RPSA2: variants seen among roughly 807,000 people sequenced by gnomAD.
The protein encoded by RPSA2 is small ribosomal subunit protein uS2B.
chr19:23,826,178 ATTTTTTCT>A, the RPSA2 span, among the ~76,000 whole-genome samples: 1 of 151,228 alleles, frequency 6.6e-6, no homozygotes, highest in African/African-American at 2.4e-5. Context: ...CTAATTTTTA[ATTTTTTCT>A]TTTTTTCTTT....
the RPSA2 span, among the ~76,000 whole-genome samples, chr19:23,858,453 T>C: frequency 5.3e-5 from 8 of 152,208 alleles, no homozygotes; most frequent in Non-Finnish European, 1.0e-4. Context: ...TATTCATACA[T>C]ACAAATATGT....
At chr19:23,769,791 T>G in the RPSA2 span, among the ~76,000 whole-genome samples, 3 of 152,256 alleles carry the variant, frequency 2.0e-5, no homozygotes, top group African/African-American at 7.2e-5. Flanking sequence ...ATGAGGTGAC[T>G]CTCCTCTCCA....
At chr19:23,808,606 A>G in the RPSA2 span, 15 of 299,784 alleles carry the variant, frequency 5.0e-5, no homozygotes, top group South Asian at 5.1e-4. Context: ...AAATTAGTAT[A>G]TTGGGATAAA....
the RPSA2 span, among the ~76,000 whole-genome samples, chr19:23,824,580 C>CTTTCTTTTTTCT: frequency 4.7e-5 from 3 of 63,822 alleles, 1 homozygote; most frequent in South Asian, 1.9e-3. Context: ...TATAGCATTT[C>CTTTCTTTTTTCT]TTTTTTTTTT....
the RPSA2 span, among the ~76,000 whole-genome samples, chr19:23,800,152 C>A: frequency 2.0e-5 from 3 of 151,650 alleles, no homozygotes; most frequent in African/African-American, 7.3e-5. Flanking sequence ...CCTCAGCCTC[C>A]CAAGTAGCTG....
At chr19:23,780,386 G>T in the RPSA2 span, among the ~76,000 whole-genome samples, 1 of 152,158 alleles carries the variant, frequency 6.6e-6, no homozygotes, top group Admixed American at 6.5e-5. Flanking sequence ...GCTCACACCT[G>T]TAATCCCAGC....
At chr19:23,790,618 T>TG in the RPSA2 span, among the ~76,000 whole-genome samples, 2 of 152,094 alleles carry the variant, frequency 1.3e-5, no homozygotes, top group Non-Finnish European at 2.9e-5. Context: ...AGGTTGTAGT[T>TG]GGGGGGACTG....
At chr19:23,761,759 G>A in the RPSA2 span, among the ~76,000 whole-genome samples, 68,023 of 151,076 alleles carry the variant, frequency 0.45, 16,343 homozygotes, top group Non-Finnish European at 0.56. Flanking sequence ...AAATATCCCC[G>A]TTAGTGAGAG....
the RPSA2 span, chr19:23,758,818 G>C: frequency 6.2e-7 from 1 of 1,607,778 alleles, no homozygotes; most frequent in Non-Finnish European, 8.5e-7. Flanking sequence ...GAGGGCCATA[G>C]AGGCTGGGCC....
chr19:23,856,185 G>A, the RPSA2 span, among the ~76,000 whole-genome samples: 1 of 152,098 alleles, frequency 6.6e-6, no homozygotes, highest in African/African-American at 2.4e-5. Flanking sequence ...AACTGCAGGG[G>A]GTTATGGGAT....
the RPSA2 span, among the ~76,000 whole-genome samples, chr19:23,790,314 A>G: frequency 2.0e-5 from 3 of 152,152 alleles, no homozygotes; most frequent in African/African-American, 7.2e-5. Flanking sequence ...CTCTTGAACA[A>G]TAATTTTATG....
the RPSA2 span, among the ~76,000 whole-genome samples, chr19:23,848,312 G>C: frequency 6.6e-6 from 1 of 152,046 alleles, no homozygotes; most frequent in Admixed American, 6.6e-5. Flanking sequence ...ATATAAACGT[G>C]CCATGGCGAT....
At chr19:23,810,930 CAG>C in the RPSA2 span, among the ~76,000 whole-genome samples, 2 of 151,872 alleles carry the variant, frequency 1.3e-5, no homozygotes, top group Non-Finnish European at 2.9e-5. Context: ...GCCTTCTAAA[CAG>C]AATTATCTTC....
chr19:23,869,418 C>T, the RPSA2 span, among the ~76,000 whole-genome samples: 2 of 109,394 alleles, frequency 1.8e-5, no homozygotes, highest in South Asian at 7.1e-4. Flanking sequence ...GGCCCAATTG[C>T]CCCAACTGTG....
the RPSA2 span, among the ~76,000 whole-genome samples, chr19:23,809,905 T>C: frequency 6.6e-6 from 1 of 152,198 alleles, no homozygotes; most frequent in Non-Finnish European, 1.5e-5. Flanking sequence ...TGTTTTGCAA[T>C]GGGGTCTGTA....
At chr19:23,865,264 A>G in the RPSA2 span, among the ~76,000 whole-genome samples, 2 of 152,198 alleles carry the variant, frequency 1.3e-5, no homozygotes, top group African/African-American at 4.8e-5. Flanking sequence ...GAAAAACATT[A>G]TGTGCAGTTG....
the RPSA2 span, among the ~76,000 whole-genome samples, chr19:23,852,345 G>GAC: frequency 9.4e-4 from 143 of 151,640 alleles, no homozygotes; most frequent in African/African-American, 3.2e-3. Context: ...AGGAATTAAA[G>GAC]ACACACACAC....
the RPSA2 span, among the ~76,000 whole-genome samples, chr19:23,862,929 G>A: frequency 4.7e-5 from 7 of 148,296 alleles, no homozygotes; most frequent in Non-Finnish European, 7.4e-5. Flanking sequence ...TTTTGAGATG[G>A]AGTTTTGCTC....
chr19:23,863,680 A>G, the RPSA2 span, among the ~76,000 whole-genome samples: 6 of 152,180 alleles, frequency 3.9e-5, no homozygotes, highest in African/African-American at 1.4e-4. Flanking sequence ...AAGAAACACA[A>G]GAGACAGCCC....
Sources: gnomAD v4.1 joint callset for allele counts (sites outside exome capture counted in the v4.1 genomes callset) on GRCh38, gnomAD v4.1.1 for gene constraint, MANE v1.5 for transcripts, NCBI Gene and HGNC (gene_info 2026-07-23, HGNC 2026-07-21) for gene names.